Variants in SLC30A7 observed in about 807,000 individuals in gnomAD.
SLC30A7 encodes the protein zinc transporter 7.
Under a neutral mutation model 46.0 loss-of-function variants are expected in SLC30A7, and 35 were observed. The ratio of observed to expected loss-of-function variants is 0.76; its 90% CI spans 0.58 to 1.01. The LOEUF (loss-of-function observed/expected upper bound fraction) is 1.01. SLC30A7 is among the 50% of genes least tolerant of loss of function. SLC30A7 has a pLI of 0.00. For synonymous variants in SLC30A7, 147 were observed against 157.8 expected, an observed-to-expected ratio of 0.93 and a Z score of 0.51; for missense variants, 464 against 451.1, an observed-to-expected ratio of 1.03 and a Z score of -0.26.
the SLC30A7 span, among the ~76,000 whole-genome samples, chr1:100,994,024 G>A: frequency 6.6e-6 from 1 of 151,966 alleles, no homozygotes; most frequent in Non-Finnish European, 1.5e-5. Context: ...TTACAGGCAT[G>A]AGCCACCACG....
rs1313634578 is a variant in SLC30A7, at chr1:100,979,453, AAAAAAG to A, written c.*4601_*4606del. 1 of 150,510 alleles carries A rather than the reference AAAAAAG, an allele frequency of 6.6e-6. No individual in the cohort carries two copies. Among genetic ancestry groups the A allele is most frequent in the Non-Finnish European group, 1.5e-5 (1 of 67,554 alleles). 9.3% of individuals were successfully genotyped at this position (150,510 alleles called of 1,614,324 possible). ...TATGTATCCAAAAAAAAAAAAAAAA[AAAAAAG>A]AAAAGGAGCAGGGAAGGACAGTTCT... On this transcript the variant is annotated 3_prime_UTR_variant, in exon 11 of 11. Coordinates refer to ENST00000357650, the MANE Select transcript of SLC30A7 (RefSeq NM_133496.5).
chr1:100,945,834 G>A (rs1016182988), intron 8 of SLC30A7, among the ~76,000 whole-genome samples: 1 of 152,162 alleles, frequency 6.6e-6, no homozygotes, highest in Non-Finnish European at 1.5e-5. Context: ...ACAGTCCTTG[G>A]TAGCTTGATG....
At chr1:100,937,989 G>A (rs1344079180) in intron 8 of SLC30A7, among the ~76,000 whole-genome samples, 3 of 152,190 alleles carry the variant, frequency 2.0e-5, no homozygotes, top group Non-Finnish European at 4.4e-5. Context: ...TTATTGAGAA[G>A]TCTGTCCTTT....
chr1:100,937,098 C>T (rs141896879), intron 8 of SLC30A7, among the ~76,000 whole-genome samples: 1 of 152,036 alleles, frequency 6.6e-6, no homozygotes, highest in South Asian at 2.1e-4. Flanking sequence ...TTTACATGTT[C>T]TTATTATTTA....
chr1:100,906,151 T>C (rs1278793944), intron 2 of SLC30A7, among the ~76,000 whole-genome samples: 1 of 152,246 alleles, frequency 6.6e-6, no homozygotes, highest in African/African-American at 2.4e-5. Flanking sequence ...TGGTTCCTAC[T>C]ACTTTGTGAT....
chr1:100,960,992 T>A lies in SLC30A7; in HGVS notation c.843-836T>A, dbSNP rs1398378241. Among the ~76,000 whole-genome samples the A allele has an allele frequency of 2.1e-5, 3 of 140,974 alleles. No individual in the cohort carries two copies. The East Asian group carries it at 6.4e-4, about 30-fold the overall frequency. 92.5% of individuals were successfully genotyped at this position (140,974 alleles called of 152,430 possible). A position where few individuals can be genotyped will look rare whatever the true frequency, so the allele number is the denominator to read the frequency against. The stretch of plus-strand genomic sequence containing the variant: ...TTTTTAGACGGAGAGTCTCGCTCTG[T>A]CACCCAGGCTAGAGTGCAGTGGTGC... On this transcript the variant is annotated intron_variant, in intron 8 of 10. Transcript: ENST00000357650.
rs953448549 is a variant in SLC30A7 at position 100,923,252 on chromosome 1, G to A, written c.842+1411G>A. Among the ~76,000 whole-genome samples, 14 of 105,920 alleles carry A rather than the reference G, an allele frequency of 1.3e-4. 2 individuals are homozygous for A. Among genetic ancestry groups the A allele is most frequent in the African/African-American group, 2.2e-4 (6 of 27,612 alleles). 69.5% of individuals were successfully genotyped at this position (105,920 alleles called of 152,430 possible). A position where few individuals can be genotyped will look rare whatever the true frequency, so the allele number is the denominator to read the frequency against. On this transcript the variant is annotated intron_variant, in intron 8 of 10. Transcript: ENST00000357650. ...AGGATGGTCTCGATCTCCTGACCTC[G>A]TGATCCGCCCGCCTCGGCCTCCCAA...
chr1:100,956,530 A>G (rs920000264), intron 8 of SLC30A7, among the ~76,000 whole-genome samples: 6 of 152,214 alleles, frequency 3.9e-5, no homozygotes, highest in Non-Finnish European at 7.4e-5. Flanking sequence ...GTCTAAGGGA[A>G]TGTCTTTAAT....
intron 8 of SLC30A7, among the ~76,000 whole-genome samples, chr1:100,933,421 AT>A (rs970939352): frequency 6.6e-5 from 10 of 150,428 alleles, no homozygotes; most frequent in African/African-American, 2.0e-4. Context: ...TTTTTTTTTA[AT>A]TTTTTTTATT....
chr1:100,950,151 A>T (rs6577219), intron 8 of SLC30A7, among the ~76,000 whole-genome samples: 1 of 152,058 alleles, frequency 6.6e-6, no homozygotes, highest in Non-Finnish European at 1.5e-5. Context: ...CTTAATCTGT[A>T]TGTTAATTTC....
At chr1:100,967,281 G>A (rs1185546768) in intron 10 of SLC30A7, among the ~76,000 whole-genome samples, 1 of 152,146 alleles carries the variant, frequency 6.6e-6, no homozygotes, top group African/African-American at 2.4e-5. Flanking sequence ...AGGGGTTGGA[G>A]GTGGTGGTGG....
intron 8 of SLC30A7, among the ~76,000 whole-genome samples, chr1:100,952,431 C>G (rs1655006975): frequency 1.3e-5 from 2 of 152,166 alleles, no homozygotes; most frequent in African/African-American, 4.8e-5. Flanking sequence ...GCCTGCCACA[C>G]TTTCAGTAAA....
chr1:100,907,050 C>T (rs1203811684), intron 3 of SLC30A7, 85 bp downstream of exon 3: 5 of 911,612 alleles, frequency 5.5e-6, no homozygotes, highest in Non-Finnish European at 6.8e-6. Flanking sequence ...TGACTTGTTA[C>T]CAATTGAACA....
rs1172159517 is a variant in SLC30A7 at position 100,980,823 on chromosome 1, A to G, written c.*5966A>G. On this transcript the variant is annotated 3_prime_UTR_variant, in exon 11 of 11. Coordinates refer to ENST00000357650, the MANE Select transcript of SLC30A7 (RefSeq NM_133496.5). ...GAATTTTCTATATTTTGTATGGCCA[A>G]ATCAGGAACCAGACAGTCTCCATAG... is the stretch of plus-strand genomic sequence containing the variant. The G allele has an allele frequency of 1.3e-5, 2 of 152,090 alleles. No homozygotes were observed. Among genetic ancestry groups the G allele is most frequent in the Non-Finnish European group, 2.9e-5 (2 of 67,950 alleles). 9.4% of individuals were successfully genotyped at this position (152,090 alleles called of 1,614,324 possible).
chr1:100,901,962 T>TGCC (rs373206329), intron 2 of SLC30A7, among the ~76,000 whole-genome samples: 147,402 of 152,280 alleles, frequency 0.97, 71,377 homozygotes, highest in East Asian at 1. Flanking sequence ...AGGAAATTTA[T>TGCC]AGTTTAAATT....
chr1:100,916,282 G>C (rs1652540664), intron 6 of SLC30A7, among the ~76,000 whole-genome samples: 1 of 152,034 alleles, frequency 6.6e-6, no homozygotes, highest in Non-Finnish European at 1.5e-5. Context: ...TGCCTCCCGG[G>C]TTCAAGTGAA....
chr1:100,942,731 G>A (rs1187285951), intron 8 of SLC30A7, among the ~76,000 whole-genome samples: 1 of 152,182 alleles, frequency 6.6e-6, no homozygotes, highest in African/African-American at 2.4e-5. Context: ...TGGTTTATGA[G>A]TTATAACAAT....
the SLC30A7 span, among the ~76,000 whole-genome samples, chr1:100,992,097 C>CAAA: frequency 1.7e-5 from 2 of 120,368 alleles, no homozygotes; most frequent in African/African-American, 3.1e-5. Context: ...GACCCTCTCT[C>CAAA]AAAAAAAAAA....
chr1:100,929,011 C>T (rs534643874), intron 8 of SLC30A7, among the ~76,000 whole-genome samples: 1 of 152,140 alleles, frequency 6.6e-6, no homozygotes, highest in African/African-American at 2.4e-5. Context: ...CAGAGCAACA[C>T]ATAAGAAAAA....
Sources: gnomAD v4.1 joint callset for allele counts (sites outside exome capture counted in the v4.1 genomes callset) on GRCh38, gnomAD v4.1.1 for gene constraint, MANE v1.5 for transcripts, NCBI Gene and HGNC (gene_info 2026-07-23, HGNC 2026-07-21) for gene names.